The following CCDC170 variants were observed in gnomAD, a reference collection of about 807,000 sequenced individuals.
CCDC170 encodes the protein coiled-coil domain containing 170, also known as coiled-coil domain-containing protein 170.
A neutral mutation model predicts 72.6 loss-of-function variants in CCDC170; 69 were observed. The ratio of observed to expected loss-of-function variants is 0.95; its 90% CI spans 0.78 to 1.16. The LOEUF is 1.16. Among genes scored for constraint, CCDC170 ranks in the 50% most tolerant of loss-of-function variants. The pLI is 0.00. For synonymous variants in CCDC170, 300 were observed against 303.9 expected, an observed-to-expected ratio of 0.99 and a Z score of 0.13; for missense variants, 852 against 832.5, an observed-to-expected ratio of 1.02 and a Z score of -0.29.
chr6:151,597,650 A>C (rs1482693020), intron 9 of CCDC170, among the ~76,000 whole-genome samples: 1 of 152,230 alleles, frequency 6.6e-6, no homozygotes, highest in South Asian at 2.1e-4. Context: ...GGTCACCAGA[A>C]CTGGGGAGAC....
At chr6:151,531,836 A>C (rs1258808119) in intron 1 of CCDC170, among the ~76,000 whole-genome samples, 2 of 152,164 alleles carry the variant, frequency 1.3e-5, no homozygotes, top group Non-Finnish European at 2.9e-5. Context: ...AAGGATGAAA[A>C]GTTCCTTATA....
chr6:151,518,657 C>T (rs1782270529), intron 1 of CCDC170, among the ~76,000 whole-genome samples: 2 of 152,136 alleles, frequency 1.3e-5, no homozygotes, highest in East Asian at 1.9e-4. Flanking sequence ...GGAACCAGCC[C>T]CCAATATTTC....
chr6:151,547,590 A>G (rs1412762522), intron 4 of CCDC170, among the ~76,000 whole-genome samples: 1 of 152,126 alleles, frequency 6.6e-6, no homozygotes, highest in African/African-American at 2.4e-5. Context: ...TCAAAGGTAT[A>G]TCACTTCCAC....
intron 6 of CCDC170, among the ~76,000 whole-genome samples, chr6:151,582,104 C>G (rs539599928): frequency 2.0e-4 from 31 of 152,306 alleles, no homozygotes; most frequent in Non-Finnish European, 2.6e-4. Flanking sequence ...AGAGAGTCAG[C>G]CTGTTCTCTG....
intron 5 of CCDC170, among the ~76,000 whole-genome samples, chr6:151,561,576 T>C (rs1776030830): frequency 6.6e-6 from 1 of 152,138 alleles, no homozygotes; most frequent in Admixed American, 6.5e-5. Context: ...TACTGAGAAG[T>C]CTACTATTAA....
At chr6:151,605,075 C>A (rs1009865672) in intron 9 of CCDC170, among the ~76,000 whole-genome samples, 1 of 152,144 alleles carries the variant, frequency 6.6e-6, no homozygotes, top group African/African-American at 2.4e-5. Flanking sequence ...CCTCTAATAA[C>A]CACAATTCTA....
chr6:151,604,663 G>C (rs1183610794), intron 9 of CCDC170, among the ~76,000 whole-genome samples: 1 of 152,088 alleles, frequency 6.6e-6, no homozygotes, highest in Non-Finnish European at 1.5e-5. Context: ...GTGCTCTTAC[G>C]GTAGGGAAGG....
chr6:151,495,531 T>C lies in CCDC170; in HGVS notation c.57+1346T>C, dbSNP rs548862015. Among the ~76,000 whole-genome samples the C allele has an allele frequency of 2.4e-3, 370 of 152,212 alleles. 1 individual carries two copies. Among genetic ancestry groups the C allele is most frequent in the African/African-American group, 7.9e-3 (328 of 41,544 alleles). On this transcript the variant is annotated intron_variant, in intron 1 of 10. Coordinates refer to ENST00000239374, the MANE Select transcript of CCDC170 (RefSeq NM_025059.4). ...TCTTTTTTTCAGACAGGGTCTCACC[T>C]TGTTACCCAGGCTCGAGTGCAGTGG...
At chr6:151,589,514 A>G (rs1306751193) in intron 7 of CCDC170, among the ~76,000 whole-genome samples, 1 of 151,868 alleles carries the variant, frequency 6.6e-6, no homozygotes, top group Non-Finnish European at 1.5e-5. Context: ...CTTTTTAATC[A>G]ATTCCTAAGC....
At position 151,596,462 on chromosome 6, in the gene CCDC170, A is replaced by T. The variant is rs200108871; in HGVS notation, c.1595A>T (p.His532Leu). 140 of 1,614,008 alleles carry T rather than the reference A, an allele frequency of 8.7e-5. No homozygotes were observed. In the African/African-American group the frequency reaches 1.6e-3, roughly 19 times the overall value. ...TALVVERDNAHLTIRNLQKKV... is the reference protein window; with the variant it reads ...TALVVERDNALLTIRNLQKKV... ...TTGGTGGTTGAGAGGGACAACGCGC[A>T]TCTTACCATCAGGAACTTGCAGAAG... The change falls in exon 9 of 11, where the codon CAT (histidine) becomes CTT (leucine). Residue 532 changes from histidine to leucine, a missense_variant. Coordinates refer to ENST00000239374, the MANE Select transcript of CCDC170 (RefSeq NM_025059.4).
chr6:151,586,147 C>A, intron 7 of CCDC170, 58 bp downstream of exon 7: 1 of 1,541,322 alleles, frequency 6.5e-7, no homozygotes, highest in Non-Finnish European at 8.8e-7. Context: ...TAAAATTTTA[C>A]CTGAAAATAT....
intron 6 of CCDC170, among the ~76,000 whole-genome samples, chr6:151,579,492 G>T (rs1776352117): frequency 6.6e-6 from 1 of 152,158 alleles, no homozygotes; most frequent in East Asian, 1.9e-4. Flanking sequence ...AAGAATCTTG[G>T]CATGGCAGGT....
chr6:151,552,779 C>CTTT (rs71014597), intron 5 of CCDC170, among the ~76,000 whole-genome samples: 11 of 56,710 alleles, frequency 1.9e-4, no homozygotes, highest in Non-Finnish European at 2.8e-4. Flanking sequence ...TCAGCCAATT[C>CTTT]TTTTTTTTTT....
rs2115157277 is a variant in CCDC170, at chr6:151,620,007, A to C, written c.*1860A>C. 6.6e-6 allele frequency: 1 copy of C among 152,288 alleles called. No individual in the cohort carries two copies. Among genetic ancestry groups the C allele is most frequent in the African/African-American group, 2.4e-5 (1 of 41,578 alleles). 9.4% of individuals were successfully genotyped at this position (152,288 alleles called of 1,614,324 possible). A position where few individuals can be genotyped will look rare whatever the true frequency, so the allele number is the denominator to read the frequency against. On this transcript the variant is annotated 3_prime_UTR_variant, in exon 11 of 11. Transcript: ENST00000239374. ...ATTGTAAAAATTTGAATGTGGACTA[A>C]GTCCTAGATTATATTAAAATATTTT...
rs900997457 is a variant in CCDC170 at position 151,542,200 on chromosome 6, A to C, written c.444-2372A>C. Among the ~76,000 whole-genome samples the C allele has an allele frequency of 2.0e-5, 3 of 151,326 alleles. No homozygotes were observed. The Admixed American group carries it at 2.0e-4, about 10-fold the overall frequency. On this transcript the variant is annotated intron_variant, in intron 3 of 10. Coordinates refer to ENST00000239374, the MANE Select transcript of CCDC170 (RefSeq NM_025059.4). Reference sequence around the variant, plus strand: ...TGGCCATATGTTATAAATATTTTAAAAACTCATTTAGTATATAATTTTATT... The same window carrying C: ...TGGCCATATGTTATAAATATTTTAACAACTCATTTAGTATATAATTTTATT...
intron 9 of CCDC170, among the ~76,000 whole-genome samples, chr6:151,597,275 A>G (rs2115120772): frequency 6.6e-6 from 1 of 152,190 alleles, no homozygotes; most frequent in South Asian, 2.1e-4. Flanking sequence ...ACAGGTGTGC[A>G]CCACCATGCC....
At chr6:151,501,818 AC>A (rs1781998928) in intron 1 of CCDC170, among the ~76,000 whole-genome samples, 1 of 152,220 alleles carries the variant, frequency 6.6e-6, no homozygotes, top group South Asian at 2.1e-4. Context: ...ATAAAGACTT[AC>A]TTTTTTCCAT....
intron 1 of CCDC170, among the ~76,000 whole-genome samples, chr6:151,521,329 A>G (rs971480878): frequency 3.9e-5 from 6 of 152,230 alleles, no homozygotes; most frequent in African/African-American, 1.4e-4. Flanking sequence ...ATAAGTAATG[A>G]GAGTTGCTAA....
rs185317294 is a variant in CCDC170, at chr6:151,511,932, C to T, written c.57+17747C>T. Among the ~76,000 whole-genome samples, 398 of 152,200 alleles carry T rather than the reference C, an allele frequency of 2.6e-3. 1 individual carries two copies. Among genetic ancestry groups the T allele is most frequent in the African/African-American group, 8.2e-3 (339 of 41,522 alleles). Reference sequence around the variant, plus strand: ...GCACGATCAGAGCTCTTTGCAGCCTCGATTTCCTGGGCTTGAGCCATCTCC... The same window carrying T: ...GCACGATCAGAGCTCTTTGCAGCCTTGATTTCCTGGGCTTGAGCCATCTCC... On this transcript the variant is annotated intron_variant, in intron 1 of 10. Transcript: ENST00000239374.
Sources: allele counts gnomAD v4.1 joint callset (sites outside exome capture counted in the v4.1 genomes callset), GRCh38; gene constraint gnomAD v4.1.1; transcripts MANE v1.5; gene names NCBI Gene and HGNC (gene_info 2026-07-23, HGNC 2026-07-21).